Variants in EVI5L observed in about 807,000 individuals in gnomAD.
The protein encoded by EVI5L is EVI5-like protein.
In EVI5L, 30 loss-of-function variants were observed where a neutral mutation model predicts 106.1. The ratio of observed to expected loss-of-function variants is 0.28; its 90% CI spans 0.21 to 0.38. The LOEUF is 0.38. Among genes scored for constraint, EVI5L ranks in the 10% least tolerant of loss-of-function variants. The pLI is 1.00. For synonymous variants in EVI5L, 489 were observed against 483.3 expected (o/e 1.01, Z -0.15); for missense variants, 809 against 1,098.0 (o/e 0.74, Z 3.72).
At chr19:7,861,447 G>A (rs1979795648) in intron 14 of EVI5L, among the ~76,000 whole-genome samples, 1 of 152,208 alleles carries the variant, frequency 6.6e-6, no homozygotes, top group African/African-American at 2.4e-5. Context: ...GGGACACCAG[G>A]ACAGGGCCAA....
At chr19:7,837,261 G>A (rs1286541344) in intron 1 of EVI5L, among the ~76,000 whole-genome samples, 2 of 151,496 alleles carry the variant, frequency 1.3e-5, no homozygotes, top group African/African-American at 4.9e-5. Context: ...AACCTGGGAG[G>A]TGGAGGTTGC....
At chr19:7,846,399 G>A in intron 1 of EVI5L, 97 bp from the exon 2 acceptor site, 2 of 1,176,194 alleles carry the variant, frequency 1.7e-6, no homozygotes. Context: ...GTGGACCAGA[G>A]GCAGGAAGCC....
At position 7,863,822 on chromosome 19, in the gene EVI5L, C is replaced by T. The variant is rs1454911120; in HGVS notation, c.*120C>T. The T allele has an allele frequency of 3.7e-6, 5 of 1,354,770 alleles. No homozygotes were observed. The highest frequency in any genetic ancestry group is 1.6e-5 in the South Asian group (1 of 62,604). The allele number at this position is 1,354,770 out of a possible 1,614,324, so 83.9% of individuals were successfully genotyped here. A position where few individuals can be genotyped will look rare whatever the true frequency, so the allele number is the denominator to read the frequency against. On this transcript the variant is annotated 3_prime_UTR_variant, in exon 20 of 20. Coordinates refer to ENST00000538904, the MANE Select transcript of EVI5L (RefSeq NM_001159944.3). The surrounding 1 kb of genome is among the most constrained non-coding windows in gnomAD (Gnocchi z 7.7). ...CTACGCGCCCTCTGTGGCTCGGCCACCCCTAAAGCGAGGCCCGGCGAGGCA... is the reference window on the plus strand; with the variant it reads ...CTACGCGCCCTCTGTGGCTCGGCCATCCCTAAAGCGAGGCCCGGCGAGGCA...
rs1453643665 is a variant in EVI5L at position 7,857,061 on chromosome 19, C to G, written c.1201-31C>G. On this transcript the variant is annotated intron_variant, in intron 11 of 19. Coordinates refer to ENST00000538904, the MANE Select transcript of EVI5L (RefSeq NM_001159944.3). The surrounding 1 kb of genome is among the most constrained non-coding windows in gnomAD (Gnocchi z 4.5). Reference sequence around the variant, plus strand: ...CGCGCCTTCCGCTCTGCCTCCTCCCCCTGTCGCTGGGAACCCCCTTCGCCG... The same window carrying G: ...CGCGCCTTCCGCTCTGCCTCCTCCCGCTGTCGCTGGGAACCCCCTTCGCCG... 1.3e-6 allele frequency: 2 copies of G among 1,551,882 alleles called. No individual in the cohort carries two copies. Among genetic ancestry groups the G allele is most frequent in the Non-Finnish European group, 8.7e-7 (1 of 1,147,008 alleles).
chr19:7,838,512 G>A (rs1349779470), intron 1 of EVI5L, among the ~76,000 whole-genome samples: 1 of 152,214 alleles, frequency 6.6e-6, no homozygotes. Flanking sequence ...TGTTAGCCAC[G>A]TAACTTATCA....
In EVI5L at chr19:7,856,767, C is replaced by A. The variant is rs1441352647; in HGVS notation, c.1201-325C>A. On this transcript the variant is annotated intron_variant, in intron 11 of 19. Transcript: ENST00000538904. This position sits in a 1 kb window ranked among gnomAD's most constrained non-coding sequence, Gnocchi z 6.6. ...AAGCCAAAAGTCCCCCTGCCCCCCACAGTTTTTCCAGCCAGCAGCGGCCCG... is the reference window on the plus strand; with the variant it reads ...AAGCCAAAAGTCCCCCTGCCCCCCAAAGTTTTTCCAGCCAGCAGCGGCCCG... Among the ~76,000 whole-genome samples the A allele has an allele frequency of 6.6e-6, 1 of 152,182 alleles. No homozygotes were observed. The highest frequency in any genetic ancestry group is 1.5e-5 in the Non-Finnish European group (1 of 68,024).
In EVI5L at chr19:7,863,504, G is replaced by A; in HGVS notation, c.2220G>A (p.Glu740=). ...DGLSLARHLD[E]DSLPSSDEEL... The stretch of plus-strand genomic sequence containing the variant: ...TGAGCCTGGCGCGGCACTTGGACGA[G>A]GACTCGCTGCCGTCGTCGGACGAGG... Residue 740 remains glutamate, a synonymous_variant, in exon 20 of 20, where the codon GAG becomes GAA. Coordinates refer to ENST00000538904, the MANE Select transcript of EVI5L (RefSeq NM_001159944.3). This position sits in a 1 kb window ranked among gnomAD's most constrained non-coding sequence, Gnocchi z 7.7. The A allele has an allele frequency of 6.3e-7, 1 of 1,588,474 alleles. No homozygotes were observed. The highest frequency in any genetic ancestry group is 8.6e-7 in the Non-Finnish European group (1 of 1,168,444).
chr19:7,830,698 C>A (rs1374370752), intron 1 of EVI5L, among the ~76,000 whole-genome samples: 1 of 146,232 alleles, frequency 6.8e-6, no homozygotes, highest in South Asian at 2.2e-4. Context: ...TCTCCGGGAA[C>A]CCCCTCAGGG....
At chr19:7,851,808 A>T in intron 8 of EVI5L, 38 bp downstream of exon 8, 6 of 1,468,982 alleles carry the variant, frequency 4.1e-6, no homozygotes, top group Non-Finnish European at 5.4e-6. Flanking sequence ...GGCTGCCCCC[A>T]ATCAGGGGCT....
rs1481940556 is a variant in EVI5L, at chr19:7,857,486, ACAC to A, written c.1233+363_1233+365del. ...AGTGCTGCGGTCACACACACACACA[ACAC>A]ATGCACACACACACACGCACACACA... On this transcript the variant is annotated intron_variant, in intron 12 of 19. Coordinates refer to ENST00000538904, the MANE Select transcript of EVI5L (RefSeq NM_001159944.3). The surrounding 1 kb of genome is among the most constrained non-coding windows in gnomAD (Gnocchi z 4.5). 4.5e-6 allele frequency: 2 copies of A among 439,658 alleles called. No individual in the cohort carries two copies. Among genetic ancestry groups the A allele is most frequent in the Non-Finnish European group, 8.4e-6 (2 of 236,914 alleles). 27.2% of individuals were successfully genotyped at this position (439,658 alleles called of 1,614,324 possible).
chr19:7,840,353 C>T (rs953315776), intron 1 of EVI5L, among the ~76,000 whole-genome samples: 3 of 152,158 alleles, frequency 2.0e-5, no homozygotes, highest in Non-Finnish European at 4.4e-5. Context: ...CGGCACATGC[C>T]TATAATCCCA....
At position 7,864,312 on chromosome 19, in the gene EVI5L, CCTA is replaced by C. The variant is rs1411866162; in HGVS notation, c.*614_*616del. Reference sequence around the variant, plus strand: ...CCCCTGCAGCGGAAACCAAAGTCCCCCTACTATGTGCGGGGCGCCTGGGGACTG... The same window carrying C: ...CCCCTGCAGCGGAAACCAAAGTCCCCCTATGTGCGGGGCGCCTGGGGACTG... On this transcript the variant is annotated 3_prime_UTR_variant, in exon 20 of 20. Transcript: ENST00000538904. The surrounding 1 kb of genome is among the most constrained non-coding windows in gnomAD (Gnocchi z 4.5). The C allele has an allele frequency of 1.3e-5, 2 of 152,552 alleles. No individual in the cohort carries two copies. Among genetic ancestry groups the C allele is most frequent in the Non-Finnish European group, 2.9e-5 (2 of 68,104 alleles). 9.4% of individuals were successfully genotyped at this position (152,552 alleles called of 1,614,324 possible).
chr19:7,863,053 G>A lies in EVI5L; in HGVS notation c.2029G>A (p.Glu677Lys). The change falls in exon 18 of 20, where the codon GAG becomes AAG. Residue 677 changes from glutamate to lysine, a missense_variant. By Grantham distance (56) the Glu-to-Lys change is moderately conservative (BLOSUM62 1). This residue lies in a region of EVI5L where 452 missense variants were observed against 509.9 expected (regional missense o/e 0.89). Coordinates refer to ENST00000538904, the MANE Select transcript of EVI5L (RefSeq NM_001159944.3). This position sits in a 1 kb window ranked among gnomAD's most constrained non-coding sequence, Gnocchi z 7.7. ...AVAEMRQRIA[E>K]LEIQREEGRI... ...GGCCGAGATGCGGCAGCGCATTGCC[G>A]AGCTGGAGATCCAGGTGATCGGCGG... is the stretch of plus-strand genomic sequence containing the variant. 6 of 1,563,662 alleles carry A rather than the reference G, an allele frequency of 3.8e-6. No homozygotes were observed. The highest frequency in any genetic ancestry group is 1.2e-5 in the South Asian group (1 of 85,068).
intron 10 of EVI5L, among the ~76,000 whole-genome samples, chr19:7,855,238 C>T (rs1231514756): frequency 1.3e-5 from 2 of 151,706 alleles, no homozygotes; most frequent in Non-Finnish European, 2.9e-5. Context: ...GCCTCAGCCT[C>T]CCCTGTAGCT....
Position 7,847,904 on chromosome 19 carries a change from AAGG to A in EVI5L, c.313_315del (p.Glu105del). The A allele has an allele frequency of 6.4e-7, 1 of 1,556,256 alleles. No individual in the cohort carries two copies. Among genetic ancestry groups the A allele is most frequent in the Non-Finnish European group, 8.7e-7 (1 of 1,149,388 alleles). On this transcript the variant is annotated inframe_deletion, in exon 3 of 20. Coordinates refer to ENST00000538904, the MANE Select transcript of EVI5L (RefSeq NM_001159944.3). ...CGAGTGGGAGGAGTGGCGGCGCAGGAAGGAGAAGCTGCTCAAGGTGGGGGGCGG... is the reference window on the plus strand; with the variant it reads ...CGAGTGGGAGGAGTGGCGGCGCAGGAAGAAGCTGCTCAAGGTGGGGGGCGG...
chr19:7,863,982 G>C lies in EVI5L; in HGVS notation c.*280G>C. On this transcript the variant is annotated 3_prime_UTR_variant, in exon 20 of 20. Transcript: ENST00000538904. This position sits in a 1 kb window ranked among gnomAD's most constrained non-coding sequence, Gnocchi z 7.7. The stretch of plus-strand genomic sequence containing the variant: ...CCAGGGGTGCCTGGAGGGGCTGACT[G>C]CTCTCTTAACAGGAGGGCAGAGGGC... 2.3e-6 allele frequency: 1 copy of C among 429,392 alleles called. No individual in the cohort carries two copies. The highest frequency in any genetic ancestry group is 4.1e-6 in the Non-Finnish European group (1 of 243,800). 26.6% of individuals were successfully genotyped at this position (429,392 alleles called of 1,614,324 possible). A position where few individuals can be genotyped will look rare whatever the true frequency, so the allele number is the denominator to read the frequency against.
intron 3 of EVI5L, 35 bp downstream of exon 3, chr19:7,847,956 C>A (rs114480200): frequency 6.6e-7 from 1 of 1,514,610 alleles, no homozygotes; most frequent in East Asian, 2.5e-5. Context: ...GCTGGGCCGA[C>A]GGCGTGGGCA....
Position 7,863,015 on chromosome 19 carries a change from G to A in EVI5L, c.1991G>A (p.Ser664Asn), listed in dbSNP as rs1448924198. ...VMAVRLREADSMAAVAEMRQR... is the reference protein window; with the variant it reads ...VMAVRLREADNMAAVAEMRQR... ...GCTGTGCGACTGCGGGAGGCGGACA[G>A]CATGGCTGCGGTGGCCGAGATGCGG... Residue 664 changes from serine (S) to asparagine (N), a missense_variant, in exon 18 of 20, where the codon AGC (serine) becomes AAC (asparagine). Ser to Asn is a conservative substitution (Grantham distance 46). This residue lies in a region of EVI5L where 452 missense variants were observed against 509.9 expected (regional missense o/e 0.89). Coordinates refer to ENST00000538904, the MANE Select transcript of EVI5L (RefSeq NM_001159944.3). The surrounding 1 kb of genome is among the most constrained non-coding windows in gnomAD (Gnocchi z 7.7). 1 of 1,582,222 alleles carries A rather than the reference G, an allele frequency of 6.3e-7. No homozygotes were observed.
rs1021736807 is a variant in EVI5L, at chr19:7,850,576, C to A, written c.753+454C>A. Among the ~76,000 whole-genome samples, 2 of 152,146 alleles carry A rather than the reference C, an allele frequency of 1.3e-5. No individual in the cohort carries two copies. The highest frequency in any genetic ancestry group is 1.3e-4 in the Admixed American group (2 of 15,280). ...CAGGCAGAGCCGCCAAGGCCGTTTG[C>A]GAACATACACACACCCGCATGCATA... On this transcript the variant is annotated intron_variant, in intron 6 of 19. Transcript: ENST00000538904. This position sits in a 1 kb window ranked among gnomAD's most constrained non-coding sequence, Gnocchi z 5.4.
Sources: gnomAD v4.1 joint callset for allele counts (sites outside exome capture counted in the v4.1 genomes callset) on GRCh38, gnomAD v4.1.1 for gene constraint, gnomAD v4.1.1 regional missense constraint, Gnocchi (gnomAD v3.1) non-coding constraint, MANE v1.5 for transcripts, NCBI Gene and HGNC (gene_info 2026-07-23, HGNC 2026-07-21) for gene names.